PCDHA7: variants seen among roughly 807,000 people sequenced by gnomAD.
The protein encoded by PCDHA7 is protocadherin alpha-7.
In PCDHA7, 37 loss-of-function variants were observed where a neutral mutation model predicts 57.2. The ratio of observed to expected loss-of-function variants is 0.65; its 90% CI spans 0.50 to 0.85. The LOEUF is 0.85. Among genes scored for constraint, PCDHA7 ranks in the 40% least tolerant of loss-of-function variants. The pLI is 0.00. For synonymous variants in PCDHA7, 553 were observed against 558.8 expected, an observed-to-expected ratio of 0.99 and a Z score of 0.15; for missense variants, 1,188 against 1,241.8, an observed-to-expected ratio of 0.96 and a Z score of 0.65.
intron 1 of PCDHA7, among the ~76,000 whole-genome samples, chr5:140,937,332 C>T (rs1003482242): frequency 6.3e-4 from 96 of 152,212 alleles, no homozygotes; most frequent in African/African-American, 2.0e-3. Context: ...CCACCGCGCC[C>T]GGCTTCTTCC....
At chr5:140,949,825 C>G (rs1321892793) in intron 1 of PCDHA7, among the ~76,000 whole-genome samples, 2 of 151,748 alleles carry the variant, frequency 1.3e-5, no homozygotes, top group African/African-American at 4.8e-5. Flanking sequence ...TATTTGTCCC[C>G]TCTGATTTTG....
At chr5:140,935,665 T>C (rs2090490152) in intron 1 of PCDHA7, among the ~76,000 whole-genome samples, 1 of 152,182 alleles carries the variant, frequency 6.6e-6, no homozygotes, top group Non-Finnish European at 1.5e-5. Context: ...TCTTTTATAA[T>C]TATGTGAAAT....
rs200436467 is a variant in PCDHA7 at position 140,883,790 on chromosome 5, G to A, written c.2355+47052G>A. 640 of 1,612,406 alleles carry A rather than the reference G, an allele frequency of 4.0e-4. No individual in the cohort carries two copies. The highest frequency in any genetic ancestry group is 5.2e-4 in the Non-Finnish European group (616 of 1,179,760). ...GGGCGAGCGTGCGCTGTCGAGCTAC[G>A]TGTCGGTGCACGCGGAGAGCGGCAA... is the stretch of plus-strand genomic sequence containing the variant. On this transcript the variant is annotated intron_variant, in intron 1 of 3. Transcript: ENST00000525929.
chr5:140,876,899 C>G (rs781884794), intron 1 of PCDHA7: 1 of 1,614,092 alleles, frequency 6.2e-7, no homozygotes, highest in South Asian at 1.1e-5. Context: ...CACATCTTCA[C>G]GGTGTCGGCA....
Position 140,841,228 on chromosome 5 carries a change from G to A in PCDHA7, c.2355+4490G>A. On this transcript the variant is annotated intron_variant, in intron 1 of 3. Coordinates refer to ENST00000525929, the MANE Select transcript of PCDHA7 (RefSeq NM_018910.3). ...TCTGTCTCTAAAGGCCGAACAACGG[G>A]AGATGCAGCGGAATTGGATTAAAAG... The A allele has an allele frequency of 7.6e-6, 11 of 1,455,732 alleles. 1 individual carries two copies. In the South Asian group the frequency reaches 1.2e-4, roughly 17 times the overall value. The allele number at this position is 1,455,732 out of a possible 1,614,324, so 90.2% of individuals were successfully genotyped here.
At chr5:140,966,454 C>T (rs897696652) in intron 1 of PCDHA7, 6 of 426,406 alleles carry the variant, frequency 1.4e-5, no homozygotes, top group Admixed American at 4.4e-5. Flanking sequence ...TCCCCCTCCC[C>T]CTCTGTCTTC....
chr5:140,927,421 G>A, intron 1 of PCDHA7: 2 of 1,614,208 alleles, frequency 1.2e-6, no homozygotes, highest in South Asian at 1.1e-5. Flanking sequence ...GGGATCGCGG[G>A]TTGACGGCAG....
chr5:140,921,165 A>G (rs959305878), intron 1 of PCDHA7, among the ~76,000 whole-genome samples: 1 of 151,798 alleles, frequency 6.6e-6, no homozygotes, highest in Admixed American at 6.6e-5. Context: ...TTTTTTTAAC[A>G]CACATAAAGC....
At position 140,852,924 on chromosome 5, in the gene PCDHA7, G is replaced by C. The variant is rs1007993116; in HGVS notation, c.2355+16186G>C. On this transcript the variant is annotated intron_variant, in intron 1 of 3. Coordinates refer to ENST00000525929, the MANE Select transcript of PCDHA7 (RefSeq NM_018910.3). ...GTCAGAGTCTCGCTCTGTTGCCCAG[G>C]CTGGAGTGCAGTGGTGCCATCTTGG... The C allele has an allele frequency of 2.7e-5, 19 of 707,974 alleles. 2 individuals are homozygous for C. Among genetic ancestry groups the C allele is most frequent in the Admixed American group, 2.6e-4 (4 of 15,396 alleles). The allele number at this position is 707,974 out of a possible 1,614,324, so 43.9% of individuals were successfully genotyped here.
intron 1 of PCDHA7, among the ~76,000 whole-genome samples, chr5:140,908,419 A>G (rs782714084): frequency 6.6e-6 from 1 of 152,196 alleles, no homozygotes; most frequent in Non-Finnish European, 1.5e-5. Context: ...TGATGATGGA[A>G]TGCTGCTGTG....
chr5:140,928,149 T>C, intron 1 of PCDHA7: 2 of 1,614,194 alleles, frequency 1.2e-6, no homozygotes, highest in Non-Finnish European at 8.5e-7. Flanking sequence ...CGGCCTCAGA[T>C]AGTGGCTCAC....
intron 1 of PCDHA7, among the ~76,000 whole-genome samples, chr5:140,936,053 C>T (rs576745037): frequency 1.2e-4 from 18 of 152,052 alleles, no homozygotes; most frequent in Middle Eastern, 3.4e-3. Flanking sequence ...CCACCACACC[C>T]GGCTAATTTT....
chr5:140,871,160 C>A, intron 1 of PCDHA7: 1 of 1,613,470 alleles, frequency 6.2e-7, no homozygotes, highest in Non-Finnish European at 8.5e-7. Context: ...GCGGGCGCCG[C>A]GAGCCCAGAG....
chr5:140,863,300 C>T (rs1554158081), intron 1 of PCDHA7: 1 of 1,463,972 alleles, frequency 6.8e-7, no homozygotes, highest in Admixed American at 1.8e-5. Flanking sequence ...CTGATCATCG[C>T]CATCTGCGTG....
At chr5:140,871,729 G>A in intron 1 of PCDHA7, 1 of 714,516 alleles carries the variant, frequency 1.4e-6, no homozygotes, top group Non-Finnish European at 2.2e-6. Flanking sequence ...TTAATATTTG[G>A]TTAGCAAATC....
chr5:140,993,177 C>A lies in PCDHA7; in HGVS notation c.2503+10614C>A, dbSNP rs551395516. ...CTAAATATTTGCCTTTGGGAAATTTCTTTAGAGGGAAACTCACTAAAGCTA... is the reference window on the plus strand; with the variant it reads ...CTAAATATTTGCCTTTGGGAAATTTATTTAGAGGGAAACTCACTAAAGCTA... On this transcript the variant is annotated intron_variant, in intron 3 of 3. Transcript: ENST00000525929. 6.6e-5 allele frequency among the ~76,000 whole-genome samples: 10 copies of A among 152,258 alleles called. No homozygotes were observed. In the East Asian group the frequency reaches 1.9e-3, roughly 29 times the overall value.
Position 140,863,381 on chromosome 5 carries a change from G to A in PCDHA7, c.2355+26643G>A, listed in dbSNP as rs1186134797. 4 of 1,058,516 alleles carry A rather than the reference G, an allele frequency of 3.8e-6. No homozygotes were observed. In the African/African-American group the frequency reaches 4.8e-5, roughly 13 times the overall value. 65.6% of individuals were successfully genotyped at this position (1,058,516 alleles called of 1,614,324 possible). ...CGGTGCTTGGCGCAGCTCACCGAGAGCTCGTGCATGCCGGGCAAGCCCACG... is the reference window on the plus strand; with the variant it reads ...CGGTGCTTGGCGCAGCTCACCGAGAACTCGTGCATGCCGGGCAAGCCCACG... On this transcript the variant is annotated intron_variant, in intron 1 of 3. Transcript: ENST00000525929.
chr5:140,878,848 G>T (rs1477391344), intron 1 of PCDHA7, among the ~76,000 whole-genome samples: 1 of 152,138 alleles, frequency 6.6e-6, no homozygotes, highest in Non-Finnish European at 1.5e-5. Context: ...GAACTTCTGG[G>T]TTCAACTGAT....
At chr5:140,993,459 TTCTCAC>T (rs2097559303) in intron 3 of PCDHA7, among the ~76,000 whole-genome samples, 1 of 83,038 alleles carries the variant, frequency 1.2e-5, no homozygotes, top group African/African-American at 4.6e-5. Context: ...CCTTCTTTCT[TTCTCAC>T]ACACACACAC....
Sources: allele counts gnomAD v4.1 joint callset (sites outside exome capture counted in the v4.1 genomes callset), GRCh38; gene constraint gnomAD v4.1.1; transcripts MANE v1.5; gene names NCBI Gene and HGNC (gene_info 2026-07-23, HGNC 2026-07-21).